LRRC3B: variants seen among roughly 807,000 people sequenced by gnomAD.
LRRC3B encodes the protein leucine rich repeat containing 3B.
In LRRC3B, 2 loss-of-function variants were observed where a neutral mutation model predicts 12.8. That is an observed-to-expected ratio of 0.16 (90% CI 0.06 to 0.49). LRRC3B has a LOEUF of 0.49. LRRC3B is among the 20% of genes least tolerant of loss of function. The pLI, the probability that LRRC3B is intolerant of heterozygous loss-of-function variation, is 0.96. For missense variants in LRRC3B, 189 were observed against 319.4 expected, an observed-to-expected ratio of 0.59 and a Z score of 3.11; for synonymous variants, 132 against 122.0, an observed-to-expected ratio of 1.08 and a Z score of -0.54.
chr3:26,651,649 A>G (rs1265970733), intron 1 of LRRC3B, among the ~76,000 whole-genome samples: 1 of 152,234 alleles, frequency 6.6e-6, no homozygotes, highest in Non-Finnish European at 1.5e-5. Context: ...TATTCTGAAG[A>G]GACATTTCAT....
intron 1 of LRRC3B, among the ~76,000 whole-genome samples, chr3:26,685,599 A>G (rs1486645276): frequency 7.5e-6 from 1 of 132,928 alleles, no homozygotes; most frequent in Non-Finnish European, 1.5e-5. Flanking sequence ...TCACTCATAT[A>G]TATATATGTG....
At chr3:26,694,126 T>G (rs1047456198) in intron 1 of LRRC3B, among the ~76,000 whole-genome samples, 8 of 152,118 alleles carry the variant, frequency 5.3e-5, no homozygotes, top group African/African-American at 1.9e-4. Flanking sequence ...TCATACTCTT[T>G]GAGAATATTT....
chr3:26,636,831 TCCC>T (rs1698886036), intron 1 of LRRC3B, among the ~76,000 whole-genome samples: 1 of 28,536 alleles, frequency 3.5e-5, no homozygotes, highest in African/African-American at 1.7e-4. Flanking sequence ...CCTCCCTCCC[TCCC>T]TCCCTGCCTC....
chr3:26,692,867 G>A (rs1459616701), intron 1 of LRRC3B, among the ~76,000 whole-genome samples: 1 of 152,192 alleles, frequency 6.6e-6, no homozygotes, highest in Non-Finnish European at 1.5e-5. Context: ...GTCAGCTGCA[G>A]ATCAAGTAGT....
intron 1 of LRRC3B, among the ~76,000 whole-genome samples, chr3:26,696,870 T>C (rs1012255901): frequency 6.6e-6 from 1 of 152,182 alleles, no homozygotes. Flanking sequence ...CATTGTCCAT[T>C]ATGTTGTTTG....
intron 1 of LRRC3B, among the ~76,000 whole-genome samples, chr3:26,639,313 GTTATATT>G (rs1315212485): frequency 6.6e-6 from 1 of 151,884 alleles, no homozygotes; most frequent in Non-Finnish European, 1.5e-5. Context: ...GAGATCTGGT[GTTATATT>G]TTATACTTAC....
intron 1 of LRRC3B, among the ~76,000 whole-genome samples, chr3:26,678,321 C>G (rs1012497249): frequency 6.6e-6 from 1 of 151,918 alleles, no homozygotes; most frequent in Non-Finnish European, 1.5e-5. Context: ...TGACAAAACC[C>G]CATCTCTACT....
chr3:26,671,373 T>TATATAGAGAGAGAGAGAGAGAG (rs1261897533), intron 1 of LRRC3B, among the ~76,000 whole-genome samples: 17 of 28,248 alleles, frequency 6.0e-4, no homozygotes, highest in Admixed American at 1.4e-3. Context: ...TATATATATA[T>TATATAGAGAGAGAGAGAGAGAG]AGAGAGAGAG....
At chr3:26,681,117 A>C (rs150234100) in intron 1 of LRRC3B, among the ~76,000 whole-genome samples, 2,825 of 152,326 alleles carry the variant, frequency 0.019, 73 homozygotes, top group African/African-American at 0.063. Context: ...GTTTGGAAAT[A>C]ATATATAGTT....
In LRRC3B at chr3:26,671,011, C is replaced by CTTTTTTTTTTT. The variant is rs762788262; in HGVS notation, c.-160-38490_-160-38480dup. ...GGGCACAGTCTACCTTCTCATGTAT[C>CTTTTTTTTTTT]TTTTTTTTTTTTTTTTTTTTTTGAG... is the stretch of plus-strand genomic sequence containing the variant. On this transcript the variant is annotated intron_variant, in intron 1 of 1. Transcript: ENST00000396641. Among the ~76,000 whole-genome samples, 52 of 95,556 alleles carry CTTTTTTTTTTT rather than the reference C, an allele frequency of 5.4e-4. 3 individuals are homozygous for CTTTTTTTTTTT. The East Asian group carries it at 8.0e-3, about 15-fold the overall frequency. The allele number at this position is 95,556 out of a possible 152,430, so 62.7% of individuals were successfully genotyped here.
At chr3:26,693,041 C>T (rs1049114149) in intron 1 of LRRC3B, among the ~76,000 whole-genome samples, 5 of 152,162 alleles carry the variant, frequency 3.3e-5, no homozygotes, top group African/African-American at 1.2e-4. Flanking sequence ...GTTCTAAGAT[C>T]AAGAGCAGGC....
At chr3:26,635,675 C>A (rs1177467395) in intron 1 of LRRC3B, among the ~76,000 whole-genome samples, 1 of 152,238 alleles carries the variant, frequency 6.6e-6, no homozygotes, top group Non-Finnish European at 1.5e-5. Context: ...TTTGTTATGG[C>A]AGCCCTAGCT....
intron 1 of LRRC3B, among the ~76,000 whole-genome samples, chr3:26,702,776 G>T (rs1291451249): frequency 6.6e-6 from 1 of 152,116 alleles, no homozygotes; most frequent in Non-Finnish European, 1.5e-5. Flanking sequence ...GGATGTTGGA[G>T]ATCTGAATTA....
chr3:26,624,944 TG>T (rs1251864488), intron 1 of LRRC3B: 1 of 152,172 alleles, frequency 6.6e-6, no homozygotes, highest in Non-Finnish European at 1.5e-5. Flanking sequence ...TATTTCCTGG[TG>T]GGGGCACAGT....
chr3:26,677,779 T>C (rs1169887679), intron 1 of LRRC3B, among the ~76,000 whole-genome samples: 1 of 140,376 alleles, frequency 7.1e-6, no homozygotes, highest in African/African-American at 2.9e-5. Flanking sequence ...ATTTTTTTTC[T>C]GTTTTGCCTT....
At chr3:26,709,513 G>T (rs984004009) in exon 2 of LRRC3B, 3 of 690,906 alleles carry the variant, frequency 4.3e-6, no homozygotes, top group Non-Finnish European at 7.4e-6. Context: ...TTTCCTTTAG[G>T]TGCCCAAGCA....
chr3:26,639,706 G>A (rs1022976291), intron 1 of LRRC3B, among the ~76,000 whole-genome samples: 32 of 152,144 alleles, frequency 2.1e-4, no homozygotes, highest in Admixed American at 1.0e-3. Flanking sequence ...GCACCGTGTG[G>A]GCTTTAAACT....
intron 1 of LRRC3B, among the ~76,000 whole-genome samples, chr3:26,678,132 A>AACAGTAG (rs1328813179): frequency 6.6e-6 from 1 of 151,706 alleles, no homozygotes; most frequent in African/African-American, 2.4e-5. Flanking sequence ...TGGTATTTTT[A>AACAGTAG]ACAGTAGTTT....
In LRRC3B at chr3:26,702,635, A is replaced by T. The variant is rs1158528438; in HGVS notation, c.-160-6878A>T. On this transcript the variant is annotated intron_variant, in intron 1 of 1. Coordinates refer to ENST00000396641, the Ensembl canonical transcript of LRRC3B. Reference sequence around the variant, plus strand: ...AAGGAGATTGTTATGAACCATCGGGAGTCATTAGTGCTTTTTTGACCTGCA... The same window carrying T: ...AAGGAGATTGTTATGAACCATCGGGTGTCATTAGTGCTTTTTTGACCTGCA... 2.0e-5 allele frequency among the ~76,000 whole-genome samples: 3 copies of T among 152,294 alleles called. No homozygotes were observed. The East Asian group carries it at 5.8e-4, about 29-fold the overall frequency.
Sources: allele counts gnomAD v4.1 joint callset (sites outside exome capture counted in the v4.1 genomes callset), GRCh38; gene constraint gnomAD v4.1.1; transcripts MANE v1.5; gene names NCBI Gene and HGNC (gene_info 2026-07-23, HGNC 2026-07-21).